Variants in CDH13 observed in about 807,000 individuals in gnomAD.
CDH13 encodes cadherin 13.
Under a neutral mutation model 63.8 loss-of-function variants are expected in CDH13, and 24 were observed. The ratio of observed to expected loss-of-function variants is 0.38; its 90% CI spans 0.27 to 0.53. The LOEUF is 0.53. Among genes scored for constraint, CDH13 ranks in the 20% least tolerant of loss-of-function variants. The pLI is 0.85. For missense variants in CDH13, 1,049 were observed against 903.1 expected, an observed-to-expected ratio of 1.16 and a Z score of -2.07; for synonymous variants, 503 against 355.3, an observed-to-expected ratio of 1.42 and a Z score of -4.67.
At chr16:83,291,300 G>T (rs142587996) in intron 5 of CDH13, among the ~76,000 whole-genome samples, 3 of 152,182 alleles carry the variant, frequency 2.0e-5, no homozygotes, top group African/African-American at 7.2e-5. Context: ...TATTCAGGGG[G>T]TTCTACTTCT....
intron 2 of CDH13, among the ~76,000 whole-genome samples, chr16:82,895,658 A>G (rs955892156): frequency 1.3e-5 from 2 of 151,434 alleles, no homozygotes; most frequent in Non-Finnish European, 2.9e-5. Context: ...GATGAAACAA[A>G]CATTACATAC....
At chr16:83,020,759 G>C (rs192241594) in intron 2 of CDH13, among the ~76,000 whole-genome samples, 12 of 152,252 alleles carry the variant, frequency 7.9e-5, no homozygotes, top group Admixed American at 2.6e-4. Context: ...CTCCTCAGAG[G>C]CCCCCTTCCT....
intron 3 of CDH13, among the ~76,000 whole-genome samples, chr16:83,044,434 G>C (rs2151492841): frequency 6.6e-6 from 1 of 152,240 alleles, no homozygotes; most frequent in South Asian, 2.1e-4. Flanking sequence ...TAGGAAGGTG[G>C]GCAAGCCCTG....
At chr16:83,574,938 T>C (rs1567777063) in intron 7 of CDH13, among the ~76,000 whole-genome samples, 1 of 151,820 alleles carries the variant, frequency 6.6e-6, no homozygotes, top group African/African-American at 2.4e-5. Flanking sequence ...AGAGAAACCA[T>C]GAACATGAAT....
intron 1 of CDH13, among the ~76,000 whole-genome samples, chr16:82,705,593 C>T (rs1302481588): frequency 6.6e-6 from 1 of 152,088 alleles, no homozygotes; most frequent in Non-Finnish European, 1.5e-5. Context: ...TTTCCCATTC[C>T]TTTTCTTATT....
chr16:83,157,777 G>C (rs1480609440), intron 4 of CDH13, among the ~76,000 whole-genome samples: 1 of 150,880 alleles, frequency 6.6e-6, no homozygotes, highest in East Asian at 1.9e-4. Context: ...TCTGGGCATG[G>C]TGGTGCTTGC....
At chr16:83,475,247 G>C (rs1429020957) in intron 6 of CDH13, among the ~76,000 whole-genome samples, 43 of 152,250 alleles carry the variant, frequency 2.8e-4, no homozygotes, top group Non-Finnish European at 2.8e-4. Flanking sequence ...TCTTGAGCTT[G>C]CCTTAGACAC....
intron 3 of CDH13, among the ~76,000 whole-genome samples, chr16:83,045,237 A>T (rs1041946437): frequency 1.3e-5 from 2 of 152,206 alleles, no homozygotes. Context: ...GTCCTGTGTC[A>T]TCATGACCCA....
At chr16:83,590,646 T>C (rs1279599165) in intron 7 of CDH13, among the ~76,000 whole-genome samples, 2 of 152,274 alleles carry the variant, frequency 1.3e-5, no homozygotes, top group East Asian at 3.9e-4. Context: ...AAAACTATGA[T>C]TTTCATTTTT....
chr16:83,092,812 C>T (rs929355123), intron 3 of CDH13, among the ~76,000 whole-genome samples: 2 of 152,146 alleles, frequency 1.3e-5, no homozygotes, highest in Non-Finnish European at 2.9e-5. Context: ...CCAAGAGACT[C>T]CAAATTTAGT....
intron 6 of CDH13, among the ~76,000 whole-genome samples, chr16:83,392,820 GA>G (rs1264257569): frequency 3.3e-5 from 5 of 152,126 alleles, no homozygotes. Context: ...ATAGAAAAAG[GA>G]AAATCTCGGT....
chr16:83,018,971 G>A (rs1915079743), intron 2 of CDH13, among the ~76,000 whole-genome samples: 1 of 152,196 alleles, frequency 6.6e-6, no homozygotes, highest in African/African-American at 2.4e-5. Context: ...GTCAGTGAGT[G>A]AGTGGTGAGT....
chr16:83,044,410 T>C (rs1917594294), intron 3 of CDH13, among the ~76,000 whole-genome samples: 1 of 152,226 alleles, frequency 6.6e-6, no homozygotes, highest in Non-Finnish European at 1.5e-5. Context: ...TGAGCAAAAC[T>C]CCTAAAGAAA....
chr16:83,125,294 T>C, intron 3 of CDH13, 91 bp from the exon 4 acceptor site: 1 of 727,304 alleles, frequency 1.4e-6, no homozygotes. Context: ...AACAGCTGTA[T>C]GCTTTCCCAA....
chr16:83,478,796 A>G (rs1031617372), intron 6 of CDH13, among the ~76,000 whole-genome samples: 1 of 147,112 alleles, frequency 6.8e-6, no homozygotes, highest in African/African-American at 2.5e-5. Flanking sequence ...CTGAGAACCA[A>G]CCTCCCACCT....
chr16:83,530,321 C>T (rs1391303195), intron 7 of CDH13, among the ~76,000 whole-genome samples: 2 of 152,136 alleles, frequency 1.3e-5, no homozygotes, highest in Non-Finnish European at 2.9e-5. Context: ...GTGGAGTCAC[C>T]ACTGAGCTGA....
intron 6 of CDH13, among the ~76,000 whole-genome samples, chr16:83,368,884 T>TTATATATATATATATA (rs150563585): frequency 2.1e-5 from 1 of 47,702 alleles, no homozygotes; most frequent in African/African-American, 4.4e-5. Flanking sequence ...GTATTCCATG[T>TTATATATATATATATA]TATATATATA....
At chr16:83,154,692 A>C (rs2037133747) in intron 4 of CDH13, among the ~76,000 whole-genome samples, 1 of 152,232 alleles carries the variant, frequency 6.6e-6, no homozygotes, top group South Asian at 2.1e-4. Context: ...CTCAGGTACC[A>C]TGCCAGGATG....
At chr16:83,577,196 A>T (rs755774869) in intron 7 of CDH13, among the ~76,000 whole-genome samples, 8 of 152,208 alleles carry the variant, frequency 5.3e-5, no homozygotes, top group Non-Finnish European at 1.2e-4. Flanking sequence ...CTCACTTGTG[A>T]ATAATGGATG....
Sources: allele counts gnomAD v4.1 joint callset (sites outside exome capture counted in the v4.1 genomes callset), GRCh38; gene constraint gnomAD v4.1.1; transcripts MANE v1.5; gene names NCBI Gene and HGNC (gene_info 2026-07-23, HGNC 2026-07-21).